NCOA3: variants seen among roughly 807,000 people sequenced by gnomAD.
NCOA3 encodes CBP-interacting protein.
Under a neutral mutation model 158.8 loss-of-function variants are expected in NCOA3, and 51 were observed. The observed-to-expected ratio is 0.32, with a 90% confidence interval of 0.26 to 0.41. The LOEUF (loss-of-function observed/expected upper bound fraction) is 0.41, where lower values mean the gene tolerates loss of function less well. NCOA3 is among the 10% of genes least tolerant of loss of function. The pLI is 1.00. For synonymous variants in NCOA3, 537 were observed against 592.4 expected, an observed-to-expected ratio of 0.91 and a Z score of 1.36; for missense variants, 1,510 against 1,746.6, an observed-to-expected ratio of 0.86 and a Z score of 2.41.
At chr20:47,510,259 C>T (rs1438561062) in intron 1 of NCOA3, among the ~76,000 whole-genome samples, 1 of 151,514 alleles carries the variant, frequency 6.6e-6, no homozygotes, top group African/African-American at 2.4e-5. Flanking sequence ...GGTGAAACTC[C>T]GTCTCTACTA....
intron 2 of NCOA3, among the ~76,000 whole-genome samples, chr20:47,610,270 G>A (rs890878148): frequency 2.0e-5 from 3 of 152,044 alleles, no homozygotes; most frequent in African/African-American, 4.8e-5. Context: ...TGTCCCCCAG[G>A]CCAGAGTGCG....
intron 1 of NCOA3, among the ~76,000 whole-genome samples, chr20:47,505,800 CT>C (rs11434305): frequency 0.2 from 23,605 of 118,598 alleles, 1,851 homozygotes; most frequent in Middle Eastern, 0.28. Flanking sequence ...GCATTTTCTC[CT>C]TTTTTTTTTT....
At chr20:47,653,367 CATTT>C (rs1232242606) in intron 22 of NCOA3, 35 bp from the exon 23 acceptor site, 3 of 1,059,044 alleles carry the variant, frequency 2.8e-6, no homozygotes, top group East Asian at 2.4e-5. Flanking sequence ...GTGTTTTACT[CATTT>C]TTTTTTTTTT....
At chr20:47,507,441 G>A (rs2084047093) in intron 1 of NCOA3, among the ~76,000 whole-genome samples, 1 of 152,120 alleles carries the variant, frequency 6.6e-6, no homozygotes, top group Non-Finnish European at 1.5e-5. Context: ...GGTTTATGTC[G>A]ACAACCTAAT....
chr20:47,524,240 AATT>A (rs1433541326), intron 1 of NCOA3, among the ~76,000 whole-genome samples: 1 of 152,020 alleles, frequency 6.6e-6, no homozygotes, highest in Non-Finnish European at 1.5e-5. Flanking sequence ...ACATTTATTG[AATT>A]ACTGCCTGCC....
chr20:47,562,282 T>G (rs926198823), intron 1 of NCOA3, among the ~76,000 whole-genome samples: 12 of 152,230 alleles, frequency 7.9e-5, no homozygotes, highest in Non-Finnish European at 1.5e-4. Flanking sequence ...GGAGCATGAT[T>G]GCTGGTTAGA....
At chr20:47,516,265 A>G (rs2084232671) in intron 1 of NCOA3, among the ~76,000 whole-genome samples, 1 of 151,388 alleles carries the variant, frequency 6.6e-6, no homozygotes, top group Admixed American at 6.6e-5. Context: ...GAGGCTACAC[A>G]TGGGTTTGGG....
chr20:47,628,138 C>A, intron 8 of NCOA3, 115 bp downstream of exon 8: 1 of 647,404 alleles, frequency 1.5e-6, no homozygotes, highest in Non-Finnish European at 2.7e-6. Flanking sequence ...TGTATACCTA[C>A]TGTAATGAGT....
intron 2 of NCOA3, among the ~76,000 whole-genome samples, chr20:47,602,150 C>T (rs1355877092): frequency 6.6e-6 from 1 of 152,192 alleles, no homozygotes; most frequent in Non-Finnish European, 1.5e-5. Context: ...TTTATAGTTT[C>T]TGTGCTATTA....
intron 2 of NCOA3, among the ~76,000 whole-genome samples, chr20:47,599,336 T>G (rs1458351535): frequency 1.3e-5 from 2 of 151,558 alleles, no homozygotes; most frequent in African/African-American, 2.4e-5. Context: ...TAAGTGGTTG[T>G]CAAGGGCAGG....
intron 2 of NCOA3, among the ~76,000 whole-genome samples, chr20:47,604,892 G>A (rs2085918939): frequency 6.6e-6 from 1 of 151,662 alleles, no homozygotes; most frequent in South Asian, 2.1e-4. Context: ...TTTGAGGTGG[G>A]GTCTTGCTCT....
At chr20:47,598,246 CAAA>C (rs71183268) in intron 2 of NCOA3, among the ~76,000 whole-genome samples, 2 of 84,514 alleles carry the variant, frequency 2.4e-5, no homozygotes, top group Non-Finnish European at 2.3e-5. Flanking sequence ...GACTCTGTCT[CAAA>C]AAAAAAAAAA....
chr20:47,635,818 T>C (rs772914514), intron 11 of NCOA3, 73 bp from the exon 12 acceptor site: 20 of 1,505,268 alleles, frequency 1.3e-5, no homozygotes, highest in Non-Finnish European at 1.6e-5. Flanking sequence ...ATAGAAACTT[T>C]GAAGAATTAA....
chr20:47,621,654 A>ATTT (rs749582388), intron 2 of NCOA3, among the ~76,000 whole-genome samples: 34 of 119,792 alleles, frequency 2.8e-4, no homozygotes, highest in Middle Eastern at 5.3e-3. Flanking sequence ...CATCAGTCAA[A>ATTT]TTTTTTTTTT....
At chr20:47,523,897 A>G (rs971198829) in intron 1 of NCOA3, among the ~76,000 whole-genome samples, 1 of 152,268 alleles carries the variant, frequency 6.6e-6, no homozygotes, top group Non-Finnish European at 1.5e-5. Context: ...TAGTAGAGTG[A>G]GGACAGCAAT....
At chr20:47,646,958 C>T (rs1165692358) in intron 17 of NCOA3, 115 bp from the exon 18 acceptor site, 8 of 852,834 alleles carry the variant, frequency 9.4e-6, no homozygotes, top group Non-Finnish European at 1.3e-5. Context: ...ACATAACAAG[C>T]ATTTACTTAA....
At chr20:47,532,139 T>TGTGTGTGTGTGTGTGTGTGTG (rs1555800968) in intron 1 of NCOA3, among the ~76,000 whole-genome samples, 1 of 151,318 alleles carries the variant, frequency 6.6e-6, no homozygotes, top group African/African-American at 2.4e-5. Context: ...TGTGTGTGTG[T>TGTGTGTGTGTGTGTGTGTGTG]TGCAGGGTTT....
chr20:47,646,109 T>C (rs908021203), intron 17 of NCOA3, among the ~76,000 whole-genome samples: 1 of 152,226 alleles, frequency 6.6e-6, no homozygotes, highest in South Asian at 2.1e-4. Context: ...AAGTCCCTTA[T>C]ATAAAACAGT....
Position 47,586,638 on chromosome 20 carries a change from C to G in NCOA3, c.-20+3377C>G, listed in dbSNP as rs539249350. Among the ~76,000 whole-genome samples, 219 of 152,244 alleles carry G rather than the reference C, an allele frequency of 1.4e-3. 2 individuals are homozygous for G. The highest frequency in any genetic ancestry group is 4.8e-3 in the South Asian group (23 of 4,820). On this transcript the variant is annotated intron_variant, in intron 2 of 22. Transcript: ENST00000371998. ...ACAGTCTGGGGTCAGGTTCTGCATT[C>G]AGTTATTATTTCTCTTTGGCCTCCT...
Sources: allele counts gnomAD v4.1 joint callset (sites outside exome capture counted in the v4.1 genomes callset), GRCh38; gene constraint gnomAD v4.1.1; transcripts MANE v1.5; gene names NCBI Gene and HGNC (gene_info 2026-07-23, HGNC 2026-07-21).